Variants in DYNC2H1 observed in about 807,000 individuals in gnomAD.
DYNC2H1 encodes the protein dynein cytoplasmic 2 heavy chain 1.
A neutral mutation model predicts 570.0 loss-of-function variants in DYNC2H1; 410 were observed. The ratio of observed to expected loss-of-function variants is 0.72; its 90% CI spans 0.66 to 0.78. The LOEUF (loss-of-function observed/expected upper bound fraction) is 0.78. DYNC2H1 is among the 30% of genes least tolerant of loss of function. The probability of loss-of-function intolerance (pLI) is 0.00; values close to 1 mark genes in which losing one functional copy is unlikely to be tolerated. For synonymous variants in DYNC2H1, 1,688 were observed against 1,677.6 expected, an observed-to-expected ratio of 1.01 and a Z score of -0.15; for missense variants, 4,865 against 5,046.4, an observed-to-expected ratio of 0.96 and a Z score of 1.09.
intron 82 of DYNC2H1, among the ~76,000 whole-genome samples, chr11:103,332,258 G>T (rs1938846638): frequency 7.0e-6 from 1 of 141,974 alleles, no homozygotes; most frequent in Non-Finnish European, 1.5e-5. Context: ...CAGTGAAATT[G>T]AAGATAGAGC....
At chr11:103,354,302 T>TA in intron 82 of DYNC2H1, among the ~76,000 whole-genome samples, 1 of 152,028 alleles carries the variant, frequency 6.6e-6, no homozygotes, top group East Asian at 1.9e-4. Context: ...TTCCCCTTTT[T>TA]AAAAAAATTC....
At position 103,177,422 on chromosome 11, in the gene DYNC2H1, A is replaced by G. The variant is rs373296446; in HGVS notation, c.5875-134A>G. 9 of 757,148 alleles carry G rather than the reference A, an allele frequency of 1.2e-5. No homozygotes were observed. Among genetic ancestry groups the G allele is most frequent in the Admixed American group, 3.8e-5 (1 of 26,550 alleles). 46.9% of individuals were successfully genotyped at this position (757,148 alleles called of 1,614,324 possible). A position where few individuals can be genotyped will look rare whatever the true frequency, so the allele number is the denominator to read the frequency against. Reference sequence around the variant, plus strand: ...CAGATTTATTTAGGTAGTCTATTACATTTTAGGCAATACCTTCCACTGAAG... The same window carrying G: ...CAGATTTATTTAGGTAGTCTATTACGTTTTAGGCAATACCTTCCACTGAAG... On this transcript the variant is annotated intron_variant, in intron 37 of 88. Coordinates refer to ENST00000375735, the MANE Select transcript of DYNC2H1 (RefSeq NM_001377.3). The surrounding 1 kb of genome is among the most constrained non-coding windows in gnomAD (Gnocchi z 4.4).
At chr11:103,269,919 G>C (rs1181728021) in intron 70 of DYNC2H1, among the ~76,000 whole-genome samples, 1 of 152,084 alleles carries the variant, frequency 6.6e-6, no homozygotes, top group African/African-American at 2.4e-5. Flanking sequence ...TTGGAGCTGG[G>C]TGCGGTGGTT....
At chr11:103,260,669 G>C (rs1419777147) in intron 70 of DYNC2H1, among the ~76,000 whole-genome samples, 1 of 149,560 alleles carries the variant, frequency 6.7e-6, no homozygotes, top group African/African-American at 2.5e-5. Context: ...GCCCAGGCTG[G>C]AGTGCAGTGG....
At position 103,465,452 on chromosome 11, in the gene DYNC2H1, T is replaced by A. The variant is rs1488684468; in HGVS notation, c.12649-3137T>A. 6.8e-6 allele frequency among the ~76,000 whole-genome samples: 1 copy of A among 146,602 alleles called. No homozygotes were observed. Among genetic ancestry groups the A allele is most frequent in the African/African-American group, 2.5e-5 (1 of 39,826 alleles). Reference sequence around the variant, plus strand: ...ATTTCAACCAGTATCCCAAAGTGTGTTTTGTTTTTTTTTTTAATCTGTGGC... The same window carrying A: ...ATTTCAACCAGTATCCCAAAGTGTGATTTGTTTTTTTTTTTAATCTGTGGC... On this transcript the variant is annotated intron_variant, in intron 87 of 88. Transcript: ENST00000375735. This position sits in a 1 kb window ranked among gnomAD's most constrained non-coding sequence, Gnocchi z 4.9.
chr11:103,307,193 A>G (rs1410490502), intron 77 of DYNC2H1, among the ~76,000 whole-genome samples: 1 of 152,186 alleles, frequency 6.6e-6, no homozygotes, highest in Non-Finnish European at 1.5e-5. Flanking sequence ...ATGAATTTGT[A>G]TGGTGAAGTT....
chr11:103,327,146 G>C (rs1938540698), intron 82 of DYNC2H1, among the ~76,000 whole-genome samples: 1 of 151,970 alleles, frequency 6.6e-6, no homozygotes, highest in Non-Finnish European at 1.5e-5. Flanking sequence ...TTCACCCTGA[G>C]CATCAGCGTC....
chr11:103,120,506 G>GA lies in DYNC2H1; in HGVS notation c.1063dup (p.Ile355AsnfsTer9). On this transcript the variant is annotated frameshift_variant, in exon 7 of 89. Coordinates refer to ENST00000375735, the MANE Select transcript of DYNC2H1 (RefSeq NM_001377.3). LOFTEE classifies it high-confidence loss of function. ...TCTATTTTCTACCTGCCAGTGAAGA[G>GA]AAAATCATATGCCTCACTCGAGTAT... 6.2e-7 allele frequency: 1 copy of GA among 1,613,026 alleles called. No homozygotes were observed.
intron 17 of DYNC2H1, among the ~76,000 whole-genome samples, chr11:103,138,142 T>C (rs12280798): frequency 0.035 from 5,245 of 151,900 alleles, 310 homozygotes; most frequent in African/African-American, 0.12. Context: ...GACAATGGGG[T>C]TTTCTAGATA....
chr11:103,467,129 C>T lies in DYNC2H1; in HGVS notation c.12649-1460C>T, dbSNP rs117930866. ...TTACCCTTTATATAGAGATTGGAAACATGAAAAACAATACTATTTATTGTT... is the reference window on the plus strand; with the variant it reads ...TTACCCTTTATATAGAGATTGGAAATATGAAAAACAATACTATTTATTGTT... On this transcript the variant is annotated intron_variant, in intron 87 of 88. Transcript: ENST00000375735. 8.1e-3 allele frequency among the ~76,000 whole-genome samples: 1,224 copies of T among 152,018 alleles called. 6 individuals carry two copies. The highest frequency in any genetic ancestry group is 0.012 in the Non-Finnish European group (824 of 67,940).
chr11:103,132,688 G>A (rs965679420), intron 13 of DYNC2H1, among the ~76,000 whole-genome samples: 13 of 151,262 alleles, frequency 8.6e-5, no homozygotes, highest in African/African-American at 3.2e-4. Context: ...TGAGTTTCCT[G>A]CTGGGCCCTA....
rs141351602 is a variant in DYNC2H1 at position 103,205,232 on chromosome 11, C to A, written c.8454+268C>A. On this transcript the variant is annotated intron_variant, in intron 52 of 88. Transcript: ENST00000375735. This position sits in a 1 kb window ranked among gnomAD's most constrained non-coding sequence, Gnocchi z 4.5. Reference sequence around the variant, plus strand: ...ATGGCTTTAATTAACTAGCCTATTACAGGCTGTCCTAGATTTTTAAAAAAT... The same window carrying A: ...ATGGCTTTAATTAACTAGCCTATTAAAGGCTGTCCTAGATTTTTAAAAAAT... 3.5e-3 allele frequency among the ~76,000 whole-genome samples: 531 copies of A among 152,164 alleles called. 3 individuals are homozygous for A. Among genetic ancestry groups the A allele is most frequent in the Non-Finnish European group, 5.6e-3 (380 of 67,996 alleles).
In DYNC2H1 at chr11:103,197,969, C is replaced by T. The variant is rs1043120692; in HGVS notation, c.7745C>T (p.Ser2582Leu). The change falls in exon 48 of 89, where the codon TCA becomes TTA. Residue 2582 changes from serine (S) to leucine (L), a missense_variant. Transcript: ENST00000375735. ...FYVTWGARHNSGARAAPGQPL... is the reference protein window; with the variant it reads ...FYVTWGARHNLGARAAPGQPL... ...GTTACATGGGGAGCTCGGCATAATTCAGGAGCAAGGGCAGCCCCAGGACAA... is the reference window on the plus strand; with the variant it reads ...GTTACATGGGGAGCTCGGCATAATTTAGGAGCAAGGGCAGCCCCAGGACAA... The T allele has an allele frequency of 1.3e-6, 2 of 1,569,362 alleles. No homozygotes were observed. The highest frequency in any genetic ancestry group is 4.7e-5 in the East Asian group (2 of 42,486).
intron 69 of DYNC2H1, among the ~76,000 whole-genome samples, chr11:103,259,049 C>T (rs1001270468): frequency 2.0e-5 from 3 of 152,114 alleles, no homozygotes; most frequent in African/African-American, 7.2e-5. Context: ...TTTCTTTATA[C>T]CAATTTCACA....
chr11:103,111,917 C>T (rs1858134321), intron 1 of DYNC2H1, among the ~76,000 whole-genome samples: 1 of 152,024 alleles, frequency 6.6e-6, no homozygotes, highest in Admixed American at 6.6e-5. Flanking sequence ...ACACAGAGTC[C>T]GTATCTTAAA....
At position 103,289,821 on chromosome 11, in the gene DYNC2H1, A is replaced by G. The variant is rs1367422644; in HGVS notation, c.11095+2216A>G. On this transcript the variant is annotated intron_variant, in intron 75 of 88. Transcript: ENST00000375735. The surrounding 1 kb of genome is among the most constrained non-coding windows in gnomAD (Gnocchi z 4.2). ...ATAACCCATATATAATGTTGAATTA[A>G]ATTTGACATCCTATATTTAGTTACG... 6.6e-6 allele frequency among the ~76,000 whole-genome samples: 1 copy of G among 152,144 alleles called. No individual in the cohort carries two copies. The highest frequency in any genetic ancestry group is 1.9e-4 in the East Asian group (1 of 5,160).
At chr11:103,168,280 A>T (rs1488497863) in intron 31 of DYNC2H1, among the ~76,000 whole-genome samples, 1 of 152,164 alleles carries the variant, frequency 6.6e-6, no homozygotes, top group Admixed American at 6.5e-5. Flanking sequence ...TGTCTACACC[A>T]GTTTCGGTTT....
intron 82 of DYNC2H1, among the ~76,000 whole-genome samples, chr11:103,351,099 C>T (rs1940031675): frequency 6.6e-6 from 1 of 152,100 alleles, no homozygotes; most frequent in Non-Finnish European, 1.5e-5. Context: ...TGTGGGTTGG[C>T]TGGATTATTC....
chr11:103,372,039 T>TG (rs1422495649), intron 83 of DYNC2H1, among the ~76,000 whole-genome samples: 1 of 132,990 alleles, frequency 7.5e-6, no homozygotes, highest in Non-Finnish European at 1.6e-5. Context: ...GTTCTTTTTT[T>TG]TTTTTTTTTT....
Sources: gnomAD v4.1 joint callset for allele counts (sites outside exome capture counted in the v4.1 genomes callset) on GRCh38, gnomAD v4.1.1 for gene constraint, Gnocchi (gnomAD v3.1) non-coding constraint, MANE v1.5 for transcripts, NCBI Gene and HGNC (gene_info 2026-07-23, HGNC 2026-07-21) for gene names.